Variants in GRIN2A observed in about 807,000 individuals in gnomAD.
GRIN2A encodes the protein glutamate receptor ionotropic, NMDA 2A.
In GRIN2A, 22 loss-of-function variants were observed where a neutral mutation model predicts 113.4. The observed-to-expected ratio is 0.19, with a 90% CI of 0.14 to 0.28. The LOEUF (loss-of-function observed/expected upper bound fraction) is 0.28, where lower values mean the gene tolerates loss of function less well. Among genes scored for constraint, GRIN2A ranks in the 10% least tolerant of loss-of-function variants. The pLI, the probability that GRIN2A is intolerant of heterozygous loss-of-function variation, is 1.00. For synonymous variants in GRIN2A, 827 were observed against 738.4 expected, an observed-to-expected ratio of 1.12 and a Z score of -1.94; for missense variants, 1,502 against 1,887.0, an observed-to-expected ratio of 0.80 and a Z score of 3.78.
intron 2 of GRIN2A, among the ~76,000 whole-genome samples, chr16:9,967,377 G>A (rs1445258090): frequency 1.3e-5 from 2 of 152,178 alleles, no homozygotes; most frequent in Admixed American, 1.3e-4. Context: ...TCACTTATAA[G>A]TGGGAGCTAA....
At chr16:9,779,878 G>C (rs566968203) in intron 11 of GRIN2A, among the ~76,000 whole-genome samples, 13 of 152,336 alleles carry the variant, frequency 8.5e-5, no homozygotes, top group Non-Finnish European at 1.3e-4. Context: ...AGAGAAGCTA[G>C]ATATCAATTC....
intron 2 of GRIN2A, among the ~76,000 whole-genome samples, chr16:10,029,355 G>A (rs9925695): frequency 1.3e-5 from 2 of 152,150 alleles, no homozygotes; most frequent in East Asian, 1.9e-4. Context: ...CCACCCACAC[G>A]TGGCAAATTT....
intron 2 of GRIN2A, among the ~76,000 whole-genome samples, chr16:10,043,790 C>T (rs2047207454): frequency 1.3e-5 from 2 of 152,088 alleles, no homozygotes; most frequent in South Asian, 4.2e-4. Flanking sequence ...TTTTGTTCAG[C>T]CCCTGAGCCT....
chr16:10,091,457 TACACACAC>T (rs35961930), intron 2 of GRIN2A, among the ~76,000 whole-genome samples: 3,736 of 145,770 alleles, frequency 0.026, 149 homozygotes, highest in African/African-American at 0.087. Context: ...TGTGTGTGTA[TACACACAC>T]ACACACACAC....
chr16:10,173,854 G>A lies in GRIN2A; in HGVS notation c.414+6144C>T, dbSNP rs900912224. 1.1e-4 allele frequency among the ~76,000 whole-genome samples: 16 copies of A among 152,230 alleles called. No homozygotes were observed. The South Asian group carries it at 2.9e-3, about 28-fold the overall frequency. Reference sequence around the variant, plus strand: ...AGTTTAAAAAAATATATAAAAGCAGGTTGTGAAATAAAACGGGGTCAAAAT... The same window carrying A: ...AGTTTAAAAAAATATATAAAAGCAGATTGTGAAATAAAACGGGGTCAAAAT... On this transcript the variant is annotated intron_variant, in intron 2 of 12. Coordinates refer to ENST00000330684, the MANE Select transcript of GRIN2A (RefSeq NM_001134407.3).
chr16:9,852,576 C>A (rs1248897722), intron 4 of GRIN2A, among the ~76,000 whole-genome samples: 1 of 152,090 alleles, frequency 6.6e-6, no homozygotes, highest in Non-Finnish European at 1.5e-5. Flanking sequence ...CATGGGTCAG[C>A]CAAGGAGGTT....
Position 9,763,095 on chromosome 16 carries a change from G to T in GRIN2A, c.*54C>A, listed in dbSNP as rs991634761. ...TTGGACATCCAACATTTACCCTCCA[G>T]AACATTGGCCATTACGTATATTTCC... On this transcript the variant is annotated 3_prime_UTR_variant, in exon 13 of 13. Coordinates refer to ENST00000330684, the MANE Select transcript of GRIN2A (RefSeq NM_001134407.3). 43 of 1,559,382 alleles carry T rather than the reference G, an allele frequency of 2.8e-5. 1 individual carries two copies. In the East Asian group the frequency reaches 9.2e-4, roughly 33 times the overall value.
At chr16:10,032,508 A>G (rs1053616794) in intron 2 of GRIN2A, among the ~76,000 whole-genome samples, 5 of 152,190 alleles carry the variant, frequency 3.3e-5, no homozygotes, top group Admixed American at 6.5e-5. Flanking sequence ...CTTCTCATCA[A>G]AACAGCCAGA....
chr16:9,949,916 T>C (rs908921978), intron 2 of GRIN2A, among the ~76,000 whole-genome samples: 1 of 152,036 alleles, frequency 6.6e-6, no homozygotes, highest in Non-Finnish European at 1.5e-5. Flanking sequence ...AAGTGAGAGC[T>C]GGATGAACAG....
chr16:9,859,649 G>C (rs571260756), intron 4 of GRIN2A, among the ~76,000 whole-genome samples: 162 of 148,966 alleles, frequency 1.1e-3, no homozygotes, highest in Middle Eastern at 6.8e-3. Flanking sequence ...CACACAGAGA[G>C]GATATGAAGC....
Position 9,938,523 on chromosome 16 carries a change from C to G in GRIN2A, c.443G>C (p.Gly148Ala). The change falls in exon 3 of 13, where the codon GGA (glycine) becomes GCA (alanine). Residue 148 changes from glycine to alanine, a missense_variant. Gly to Ala is a moderately conservative substitution (Grantham distance 60, BLOSUM62 0). Around this residue, in one of 7 missense-constraint regions of GRIN2A, gnomAD observed 334 missense variants for 403.0 expected, o/e 0.83. Transcript: ENST00000330684. ...CGTGGCTTGCTGCTGGATGGACGCT[C>G]CAAACTGGAAGAAGGTAGACGTCGG... ...KDPTSTFFQF[G>A]ASIQQQATVM... The G allele has an allele frequency of 6.2e-7, 1 of 1,607,796 alleles. No homozygotes were observed. The highest frequency in any genetic ancestry group is 8.5e-7 in the Non-Finnish European group (1 of 1,179,926).
intron 4 of GRIN2A, among the ~76,000 whole-genome samples, chr16:9,877,627 C>A (rs891703341): frequency 1.5e-5 from 2 of 129,714 alleles, no homozygotes; most frequent in Admixed American, 8.0e-5. Context: ...CCTTCCTCTC[C>A]CCAGTTCCGT....
At chr16:9,893,634 T>G (rs2043744538) in intron 3 of GRIN2A, among the ~76,000 whole-genome samples, 1 of 152,090 alleles carries the variant, frequency 6.6e-6, no homozygotes, top group Admixed American at 6.5e-5. Flanking sequence ...GCCCAGCTAA[T>G]TTTTGTATTT....
chr16:10,138,363 T>C (rs951589964), intron 2 of GRIN2A, among the ~76,000 whole-genome samples: 26 of 152,152 alleles, frequency 1.7e-4, no homozygotes, highest in African/African-American at 6.3e-4. Flanking sequence ...CCGCTTGGCA[T>C]GGCTGGGGAA....
intron 10 of GRIN2A, among the ~76,000 whole-genome samples, chr16:9,816,547 C>T (rs901220645): frequency 6.6e-6 from 1 of 152,166 alleles, no homozygotes. Flanking sequence ...TTAGGCTCTT[C>T]GGAGTTCTAG....
rs1222717091 is a variant in GRIN2A at position 9,754,299 on chromosome 16, AC to A, written c.*8849del. 2 of 204,538 alleles carry A rather than the reference AC, an allele frequency of 9.8e-6. No homozygotes were observed. Among genetic ancestry groups the A allele is most frequent in the East Asian group, 1.5e-4 (2 of 13,400 alleles). The allele number at this position is 204,538 out of a possible 1,614,324, so 12.7% of individuals were successfully genotyped here. A position where few individuals can be genotyped will look rare whatever the true frequency, so the allele number is the denominator to read the frequency against. On this transcript the variant is annotated 3_prime_UTR_variant, in exon 13 of 13. Coordinates refer to ENST00000330684, the MANE Select transcript of GRIN2A (RefSeq NM_001134407.3). ...AGATTAAGATTCATAGTTAAAAACA[AC>A]TGGTAAAGAAATCTTTGGGGACCCT...
chr16:10,178,527 G>A (rs1016085794), intron 2 of GRIN2A, among the ~76,000 whole-genome samples: 1 of 152,220 alleles, frequency 6.6e-6, no homozygotes, highest in Non-Finnish European at 1.5e-5. Flanking sequence ...AGTGGTGGCA[G>A]AGCATGGCTA....
chr16:10,130,522 C>T (rs1483876059), intron 2 of GRIN2A, among the ~76,000 whole-genome samples: 2 of 152,198 alleles, frequency 1.3e-5, no homozygotes, highest in Non-Finnish European at 2.9e-5. Context: ...GACACAGACC[C>T]ATCTTCCAAG....
chr16:9,954,858 A>G (rs1361980427), intron 2 of GRIN2A, among the ~76,000 whole-genome samples: 1 of 152,208 alleles, frequency 6.6e-6, no homozygotes, highest in Non-Finnish European at 1.5e-5. Context: ...AATATGAGTC[A>G]AAGTCCTCCT....
Sources: allele counts gnomAD v4.1 joint callset (sites outside exome capture counted in the v4.1 genomes callset), GRCh38; gene constraint gnomAD v4.1.1; regional missense constraint gnomAD v4.1.1; transcripts MANE v1.5; gene names NCBI Gene and HGNC (gene_info 2026-07-23, HGNC 2026-07-21).